Variants in MYO16 observed in about 807,000 individuals in gnomAD.
MYO16 encodes the protein myosin XVI, also known as unconventional myosin-XVI.
A neutral mutation model predicts 205.3 loss-of-function variants in MYO16; 94 were observed. The observed-to-expected ratio is 0.46, with a 90% CI of 0.39 to 0.54. MYO16 has a LOEUF of 0.54. Ranked by LOEUF, MYO16 falls within the 20% of genes least tolerant of loss-of-function variation. The pLI is 0.00. For synonymous variants in MYO16, 988 were observed against 954.0 expected, an observed-to-expected ratio of 1.04 and a Z score of -0.66; for missense variants, 2,315 against 2,387.5, an observed-to-expected ratio of 0.97 and a Z score of 0.63.
At chr13:108,790,338 A>C (rs915611338) in intron 5 of MYO16, among the ~76,000 whole-genome samples, 2 of 152,222 alleles carry the variant, frequency 1.3e-5, no homozygotes, top group Admixed American at 6.5e-5. Flanking sequence ...GTATCCACTG[A>C]TATTATCAGA....
Position 108,869,427 on chromosome 13 carries a change from T to TA in MYO16, c.1425+3191dup, listed in dbSNP as rs927521977. On this transcript the variant is annotated intron_variant, in intron 12 of 34. Coordinates refer to ENST00000457511, the MANE Select transcript of MYO16 (RefSeq NM_001198950.3). ...TCTCCATGTATGTATAAAAACAGTTTAAAAAATCTTACCTTGGCCGGGCGC... is the reference window on the plus strand; with the variant it reads ...TCTCCATGTATGTATAAAAACAGTTTAAAAAAATCTTACCTTGGCCGGGCGC... Among the ~76,000 whole-genome samples the TA allele has an allele frequency of 5.3e-5, 8 of 151,834 alleles. No individual in the cohort carries two copies. The South Asian group carries it at 8.3e-4, about 16-fold the overall frequency.
chr13:108,547,587 A>G, the MYO16 span, among the ~76,000 whole-genome samples: 1 of 152,200 alleles, frequency 6.6e-6, no homozygotes, highest in South Asian at 2.1e-4. Flanking sequence ...GTTAAAATTT[A>G]TTGGATCATT....
the MYO16 span, among the ~76,000 whole-genome samples, chr13:108,577,373 TC>T: frequency 2.4e-4 from 36 of 152,128 alleles, no homozygotes; most frequent in African/African-American, 8.2e-4. Context: ...TAATGAGAGA[TC>T]TCCTTACCAT....
At chr13:108,969,470 G>A (rs982518438) in intron 20 of MYO16, among the ~76,000 whole-genome samples, 4 of 152,132 alleles carry the variant, frequency 2.6e-5, no homozygotes, top group Non-Finnish European at 5.9e-5. Context: ...GAACAGGGAT[G>A]CCATGGATCT....
At chr13:108,556,268 A>G in the MYO16 span, among the ~76,000 whole-genome samples, 1 of 151,864 alleles carries the variant, frequency 6.6e-6, no homozygotes, top group African/African-American at 2.4e-5. Flanking sequence ...AACAGTGTGC[A>G]AGACTTCCCT....
At chr13:108,963,519 G>A (rs562713478) in intron 19 of MYO16, among the ~76,000 whole-genome samples, 1 of 152,258 alleles carries the variant, frequency 6.6e-6, no homozygotes, top group African/African-American at 2.4e-5. Flanking sequence ...CTTACAGCAA[G>A]ACACTCCTGG....
the MYO16 span, among the ~76,000 whole-genome samples, chr13:108,576,585 T>C: frequency 6.6e-6 from 1 of 152,250 alleles, no homozygotes; most frequent in African/African-American, 2.4e-5. Context: ...CTTTTTCATT[T>C]TGAAAGTAAC....
intron 27 of MYO16, among the ~76,000 whole-genome samples, chr13:109,069,574 C>G (rs1296167951): frequency 4.9e-5 from 3 of 61,296 alleles, no homozygotes; most frequent in African/African-American, 2.1e-4. Context: ...TGTGTGCTTG[C>G]CCCTCAGTTG....
chr13:109,195,912 C>A (rs1258699741), intron 34 of MYO16, among the ~76,000 whole-genome samples: 1 of 152,040 alleles, frequency 6.6e-6, no homozygotes, highest in Non-Finnish European at 1.5e-5. Flanking sequence ...TTGGTTCATG[C>A]CCTAGACCTC....
rs79628878 is a variant in MYO16, at chr13:109,087,945, G to A, written c.3336-12840G>A. Among the ~76,000 whole-genome samples the A allele has an allele frequency of 1.2e-4, 18 of 152,290 alleles. No individual in the cohort carries two copies. In the East Asian group the frequency reaches 3.3e-3, roughly 28 times the overall value. On this transcript the variant is annotated intron_variant, in intron 27 of 34. Transcript: ENST00000457511. The stretch of plus-strand genomic sequence containing the variant: ...TGTTCTTTTCAGTTTAACGAAACAA[G>A]CTGTTCTTGTACCTGATAAATACAA...
At position 108,986,136 on chromosome 13, in the gene MYO16, T is replaced by C. The variant is rs1884625064; in HGVS notation, c.2370-6240T>C. Among the ~76,000 whole-genome samples, 3 of 152,098 alleles carry C rather than the reference T, an allele frequency of 2.0e-5. No individual in the cohort carries two copies. The South Asian group carries it at 6.2e-4, about 32-fold the overall frequency. ...CTTATTCACTATCATGAGATTATCG[T>C]GAGAAAAATCTGTCCCCATGATTCG... is the stretch of plus-strand genomic sequence containing the variant. On this transcript the variant is annotated intron_variant, in intron 20 of 34. Coordinates refer to ENST00000457511, the MANE Select transcript of MYO16 (RefSeq NM_001198950.3).
At chr13:108,663,185 G>A (rs967095807) in intron 1 of MYO16, among the ~76,000 whole-genome samples, 6 of 152,154 alleles carry the variant, frequency 3.9e-5, no homozygotes, top group Admixed American at 2.0e-4. Flanking sequence ...TCTTCTTGAA[G>A]TCAATCTGGA....
chr13:109,035,905 A>C (rs903158940), intron 23 of MYO16, among the ~76,000 whole-genome samples: 2 of 152,160 alleles, frequency 1.3e-5, no homozygotes, highest in Non-Finnish European at 2.9e-5. Context: ...CTCTCCAATA[A>C]ATAATGACTA....
chr13:108,690,832 C>T, intron 2 of MYO16, among the ~76,000 whole-genome samples: 1 of 152,056 alleles, frequency 6.6e-6, no homozygotes, highest in Non-Finnish European at 1.5e-5. Context: ...AAAATAGTAT[C>T]ATAGCCCCAC....
chr13:108,652,419 C>A (rs536347934), intron 1 of MYO16, among the ~76,000 whole-genome samples: 7 of 152,282 alleles, frequency 4.6e-5, no homozygotes, highest in Non-Finnish European at 7.4e-5. Context: ...GTGGTAAGAA[C>A]ACATAACATA....
intron 2 of MYO16, among the ~76,000 whole-genome samples, chr13:108,692,815 C>T (rs1473742592): frequency 2.0e-5 from 3 of 152,126 alleles, no homozygotes; most frequent in African/African-American, 4.8e-5. Flanking sequence ...AACTTCTGAG[C>T]ATGTGACTTA....
chr13:109,176,577 T>TAAAAAAAAAA lies in MYO16; in HGVS notation c.5324-2950_5324-2941dup, dbSNP rs36054088. Among the ~76,000 whole-genome samples, 51 of 44,948 alleles carry TAAAAAAAAAA rather than the reference T, an allele frequency of 1.1e-3. 6 individuals carry two copies. Among genetic ancestry groups the TAAAAAAAAAA allele is most frequent in the African/African-American group, 3.5e-3 (39 of 10,994 alleles). 29.5% of individuals were successfully genotyped at this position (44,948 alleles called of 152,430 possible). A position where few individuals can be genotyped will look rare whatever the true frequency, so the allele number is the denominator to read the frequency against. On this transcript the variant is annotated intron_variant, in intron 33 of 34. Coordinates refer to ENST00000457511, the MANE Select transcript of MYO16 (RefSeq NM_001198950.3). ...GCAGCTAAATAAAATATTGTGCTGG[T>TAAAAAAAAAA]AAAAAAAAAAAAAAAAAAAAAAAAG...
chr13:108,615,954 A>G (rs2139326491), intron 1 of MYO16, among the ~76,000 whole-genome samples: 1 of 152,264 alleles, frequency 6.6e-6, no homozygotes, highest in East Asian at 1.9e-4. Flanking sequence ...CTTTCTCTGC[A>G]CAAATGCAGT....
chr13:108,523,810 C>T, the MYO16 span, among the ~76,000 whole-genome samples: 1 of 152,184 alleles, frequency 6.6e-6, no homozygotes, highest in Non-Finnish European at 1.5e-5. Context: ...CATGACATTT[C>T]AAGTGTTGAT....
Sources: allele counts gnomAD v4.1 joint callset (sites outside exome capture counted in the v4.1 genomes callset), GRCh38; gene constraint gnomAD v4.1.1; transcripts MANE v1.5; gene names NCBI Gene and HGNC (gene_info 2026-07-23, HGNC 2026-07-21).